The following RBM6 variants were observed in gnomAD, a reference collection of about 807,000 sequenced individuals.
The protein encoded by RBM6 is RNA-binding protein 6.
In RBM6, 23 loss-of-function variants were observed where a neutral mutation model predicts 140.4. That is an observed-to-expected ratio of 0.16 (90% confidence interval 0.12 to 0.23). The LOEUF (loss-of-function observed/expected upper bound fraction) is 0.23. Ranked by LOEUF, RBM6 falls within the 10% of genes least tolerant of loss-of-function variation. The pLI, the probability that RBM6 is intolerant of heterozygous loss-of-function variation, is 1.00. For synonymous variants in RBM6, 439 were observed against 475.6 expected (o/e 0.92, Z 1.00); for missense variants, 1,139 against 1,386.7 (o/e 0.82, Z 2.84).
chr3:49,982,262 CTTTTTTTTT>C lies in RBM6; in HGVS notation c.1483+6890_1483+6898del, dbSNP rs751604271. On this transcript the variant is annotated intron_variant, in intron 5 of 20. Coordinates refer to ENST00000266022, the MANE Select transcript of RBM6 (RefSeq NM_005777.3). The stretch of plus-strand genomic sequence containing the variant: ...GTACCTTCTGCATTTCTTTTCTTTT[CTTTTTTTTT>C]TTTTTTTTTTTTTTTTTTTGGTAGA... Among the ~76,000 whole-genome samples, 45 of 68,396 alleles carry C rather than the reference CTTTTTTTTT, an allele frequency of 6.6e-4. 1 individual carries two copies. Among genetic ancestry groups the C allele is most frequent in the East Asian group, 2.6e-3 (6 of 2,266 alleles). The allele number at this position is 68,396 out of a possible 152,430, so 44.9% of individuals were successfully genotyped here.
At chr3:49,953,458 T>C (rs997960067) in intron 1 of RBM6, among the ~76,000 whole-genome samples, 47 of 151,738 alleles carry the variant, frequency 3.1e-4, no homozygotes, top group African/African-American at 1.0e-3. Flanking sequence ...GACCTCGTGA[T>C]CTGCCCGCCT....
Position 50,000,581 on chromosome 3 carries a change from G to A in RBM6, c.1557+1068G>A, listed in dbSNP as rs559797849. Among the ~76,000 whole-genome samples, 7 of 151,698 alleles carry A rather than the reference G, an allele frequency of 4.6e-5. No individual in the cohort carries two copies. In the South Asian group the frequency reaches 8.3e-4, roughly 18 times the overall value. The stretch of plus-strand genomic sequence containing the variant: ...GATTACAGGCATGCGCCACCACGCC[G>A]GCTAATTTTGTATTTTTAGTAGAGA... On this transcript the variant is annotated intron_variant, in intron 6 of 20. Coordinates refer to ENST00000266022, the MANE Select transcript of RBM6 (RefSeq NM_005777.3).
chr3:50,060,174 G>T (rs1250001775), intron 11 of RBM6, among the ~76,000 whole-genome samples: 2 of 152,152 alleles, frequency 1.3e-5, no homozygotes, highest in African/African-American at 4.8e-5. Context: ...ACAAAAAAAT[G>T]ATGGTACAGT....
chr3:50,072,385 G>A (rs994276822), intron 19 of RBM6, among the ~76,000 whole-genome samples: 2 of 151,338 alleles, frequency 1.3e-5, no homozygotes, highest in African/African-American at 4.9e-5. Context: ...ACTCTAGCCT[G>A]GGTAATAGAG....
At chr3:50,048,422 G>A (rs1001567511) in intron 7 of RBM6, 103 bp downstream of exon 7, 1 of 1,509,850 alleles carries the variant, frequency 6.6e-7, no homozygotes, top group Non-Finnish European at 8.8e-7. Flanking sequence ...CAAGGACAAA[G>A]CTCTTCTTCC....
At chr3:50,047,631 G>A (rs1471946521) in intron 6 of RBM6, among the ~76,000 whole-genome samples, 5 of 152,226 alleles carry the variant, frequency 3.3e-5, no homozygotes, top group African/African-American at 7.2e-5. Context: ...CGCCGCCGCC[G>A]CTGTTGCTCC....
At position 49,968,656 on chromosome 3, in the gene RBM6, C is replaced by T; in HGVS notation, c.1231C>T (p.His411Tyr). 2 of 1,612,502 alleles carry T rather than the reference C, an allele frequency of 1.2e-6. No individual in the cohort carries two copies. Among genetic ancestry groups the T allele is most frequent in the Non-Finnish European group, 8.5e-7 (1 of 1,179,292 alleles). Residue 411 changes from histidine (H) to tyrosine (Y), a missense_variant, in exon 3 of 21, where the codon CAT (histidine) becomes TAT (tyrosine). Transcript: ENST00000266022. Reference sequence around the variant, plus strand: ...AAGCATGGAGTACCGTGATGTGGATCATAGGCTGCCAGGAAGCCAGATGTT... The same window carrying T: ...AAGCATGGAGTACCGTGATGTGGATTATAGGCTGCCAGGAAGCCAGATGTT... ...YRSMEYRDVD[H>Y]RLPGSQMFGY...
In RBM6 at chr3:50,075,329, A is replaced by T. The variant is rs2090428330; in HGVS notation, c.3245A>T (p.Glu1082Val). Residue 1082 changes from glutamate (E) to valine (V), a missense_variant and splice_region_variant, in exon 20 of 21, where the codon GAG becomes GTG. This residue lies in a region of RBM6 where 125 missense variants were observed against 142.0 expected (regional missense o/e 0.88). Transcript: ENST00000266022. ...CATCCTGGATTGGCTTCATCAGAGG[A>T]GGTAAAATGGTTTCCATCTTTTGGG... The part of the protein sequence containing the change: ...YGHPGLASSE[E>V]AEGRMRGPSV... 6.2e-7 allele frequency: 1 copy of T among 1,610,376 alleles called. No homozygotes were observed. The highest frequency in any genetic ancestry group is 8.5e-7 in the Non-Finnish European group (1 of 1,178,292).
intron 6 of RBM6, among the ~76,000 whole-genome samples, chr3:50,019,044 T>A (rs1179107181): frequency 6.6e-6 from 1 of 151,680 alleles, no homozygotes; most frequent in Non-Finnish European, 1.5e-5. Flanking sequence ...TTTATTTATT[T>A]TTTTTTTTTG....
chr3:50,012,663 A>G (rs2086911120), intron 6 of RBM6, among the ~76,000 whole-genome samples: 1 of 145,028 alleles, frequency 6.9e-6, no homozygotes, highest in Non-Finnish European at 1.5e-5. Flanking sequence ...GGCCCATTCC[A>G]ATTTTTTACA....
At chr3:50,073,463 T>C (rs2090366175) in intron 19 of RBM6, among the ~76,000 whole-genome samples, 1 of 152,198 alleles carries the variant, frequency 6.6e-6, no homozygotes, top group Non-Finnish European at 1.5e-5. Flanking sequence ...AATAACAGCA[T>C]TAATCCATTT....
Position 50,077,241 on chromosome 3 carries a change from T to C in RBM6, c.*108T>C. On this transcript the variant is annotated 3_prime_UTR_variant, in exon 21 of 21. Transcript: ENST00000266022. ...AGAACTTTTTTAAATAAACTTTTTT[T>C]CAATGTGATTATCTTTTTGTTATTT... 4.1e-6 allele frequency: 5 copies of C among 1,229,726 alleles called. No individual in the cohort carries two copies. The highest frequency in any genetic ancestry group is 4.4e-6 in the Non-Finnish European group (4 of 912,010). The allele number at this position is 1,229,726 out of a possible 1,614,324, so 76.2% of individuals were successfully genotyped here.
At chr3:50,002,500 G>T (rs2086386995) in intron 6 of RBM6, among the ~76,000 whole-genome samples, 1 of 152,086 alleles carries the variant, frequency 6.6e-6, no homozygotes, top group East Asian at 1.9e-4. Context: ...GACCTCAGGT[G>T]ATCCGACTGC....
At chr3:50,005,725 C>T (rs1003458515) in intron 6 of RBM6, among the ~76,000 whole-genome samples, 3 of 152,076 alleles carry the variant, frequency 2.0e-5, no homozygotes, top group African/African-American at 7.2e-5. Flanking sequence ...CAACTATCAC[C>T]CCAAAAACAC....
intron 1 of RBM6, among the ~76,000 whole-genome samples, chr3:49,943,528 C>T (rs1287263840): frequency 6.6e-6 from 1 of 152,034 alleles, no homozygotes; most frequent in Non-Finnish European, 1.5e-5. Context: ...AGGGTGGTCT[C>T]GAACTCCTGA....
rs1257697550 is a variant in RBM6, at chr3:50,074,564, G to A, written c.3117-637G>A. 2.6e-5 allele frequency among the ~76,000 whole-genome samples: 4 copies of A among 152,112 alleles called. No homozygotes were observed. In the South Asian group the frequency reaches 6.2e-4, roughly 24 times the overall value. ...ACGAACTCCCAACCTCAGGTGATCT[G>A]CCCACCTCAGCCTCCCAAAGTGATT... On this transcript the variant is annotated intron_variant, in intron 19 of 20. Coordinates refer to ENST00000266022, the MANE Select transcript of RBM6 (RefSeq NM_005777.3).
chr3:49,962,845 C>G (rs2084344442), intron 2 of RBM6, 160 bp downstream of exon 2: 2 of 607,838 alleles, frequency 3.3e-6, no homozygotes, highest in Non-Finnish European at 2.6e-6. Flanking sequence ...CGCCTGTAAT[C>G]CCAGCACTTT....
In RBM6 at chr3:49,998,788, T is replaced by C. The variant is rs1007504429; in HGVS notation, c.1484-652T>C. ...TTTTGGACATAGTTATTTGTACTTA[T>C]TTATGCTTTTACACCTTCTTCCTTT... On this transcript the variant is annotated intron_variant, in intron 5 of 20. Transcript: ENST00000266022. Among the ~76,000 whole-genome samples, 7 of 152,380 alleles carry C rather than the reference T, an allele frequency of 4.6e-5. 1 individual carries two copies. Among genetic ancestry groups the C allele is most frequent in the African/African-American group, 1.7e-4 (7 of 41,596 alleles).
At chr3:49,994,669 G>GGGGTGTGTGTGTGTGTGTGTGT (rs148704782) in intron 5 of RBM6, among the ~76,000 whole-genome samples, 1 of 148,164 alleles carries the variant, frequency 6.7e-6, no homozygotes, top group African/African-American at 2.5e-5. Flanking sequence ...AAGGCTGTGG[G>GGGGTGTGTGTGTGTGTGTGTGT]GTGTGTGTGT....
Sources: gnomAD v4.1 joint callset for allele counts (sites outside exome capture counted in the v4.1 genomes callset) on GRCh38, gnomAD v4.1.1 for gene constraint, gnomAD v4.1.1 regional missense constraint, MANE v1.5 for transcripts, NCBI Gene and HGNC (gene_info 2026-07-23, HGNC 2026-07-21) for gene names.